Variants in SDK2 observed in about 807,000 individuals in gnomAD.
SDK2 encodes the protein sidekick cell adhesion molecule 2, also known as protein sidekick-2.
In SDK2, 105 loss-of-function variants were observed where a neutral mutation model predicts 253.9. The observed-to-expected ratio is 0.41, with a 90% CI of 0.35 to 0.49. The LOEUF (loss-of-function observed/expected upper bound fraction) is 0.49. SDK2 is among the 20% of genes least tolerant of loss of function. The pLI, the probability that SDK2 is intolerant of heterozygous loss-of-function variation, is 0.06. For synonymous variants in SDK2, 1,249 were observed against 1,234.9 expected (o/e 1.01, Z -0.24); for missense variants, 2,608 against 3,003.0 (o/e 0.87, Z 3.07).
chr17:73,342,925 A>C (rs1033671142), intron 44 of SDK2, among the ~76,000 whole-genome samples: 9 of 152,296 alleles, frequency 5.9e-5, no homozygotes, highest in Non-Finnish European at 7.4e-5. Context: ...AAGGGAAGAG[A>C]TGGAGTGAGA....
intron 36 of SDK2, among the ~76,000 whole-genome samples, chr17:73,375,522 C>T (rs1300455337): frequency 6.6e-6 from 1 of 152,112 alleles, no homozygotes. Flanking sequence ...GCCAGGATTA[C>T]AGTTGTGAGC....
In SDK2 at chr17:73,338,266, C is replaced by CCT. The variant is rs745468632; in HGVS notation, c.*319_*320dup. On this transcript the variant is annotated 3_prime_UTR_variant, in exon 45 of 45. Transcript: ENST00000392650. The surrounding 1 kb of genome is among the most constrained non-coding windows in gnomAD (Gnocchi z 5.0). ...GGCCTCCAGTCCTTAGCCTCCGCTC[C>CCT]CTCTCTCTCTCCAGATGCCCGCCCC... 11 of 495,674 alleles carry CCT rather than the reference C, an allele frequency of 2.2e-5. 1 individual carries two copies. The highest frequency in any genetic ancestry group is 1.1e-4 in the South Asian group (7 of 61,508). 30.7% of individuals were successfully genotyped at this position (495,674 alleles called of 1,614,324 possible).
intron 8 of SDK2, among the ~76,000 whole-genome samples, chr17:73,437,200 C>A (rs1248773552): frequency 6.6e-6 from 1 of 152,138 alleles, no homozygotes; most frequent in Admixed American, 6.5e-5. Context: ...CTTTATCATC[C>A]CGGATTTCAC....
At chr17:73,411,474 C>T (rs575314580) in intron 18 of SDK2, among the ~76,000 whole-genome samples, 56 of 152,176 alleles carry the variant, frequency 3.7e-4, no homozygotes, top group African/African-American at 1.3e-3. Flanking sequence ...CAGTGCTCTC[C>T]GCTTCACAGC....
chr17:73,606,862 G>A (rs989839095), intron 1 of SDK2, among the ~76,000 whole-genome samples: 6 of 152,092 alleles, frequency 3.9e-5, no homozygotes, highest in Admixed American at 2.0e-4. Context: ...CAGATCAGGC[G>A]GAGGGAAAGC....
intron 1 of SDK2, among the ~76,000 whole-genome samples, chr17:73,583,704 G>GT (rs2045567073): frequency 6.6e-6 from 1 of 151,154 alleles, no homozygotes; most frequent in Admixed American, 6.6e-5. Context: ...GGCCAAGAGT[G>GT]CTTCAGGCTC....
At chr17:73,524,986 C>T (rs1312024838) in intron 1 of SDK2, among the ~76,000 whole-genome samples, 1 of 152,256 alleles carries the variant, frequency 6.6e-6, no homozygotes, top group Non-Finnish European at 1.5e-5. Flanking sequence ...ACATGCATCC[C>T]ATGGGTGAGG....
At chr17:73,579,841 G>C (rs1234072027) in intron 1 of SDK2, among the ~76,000 whole-genome samples, 1 of 152,114 alleles carries the variant, frequency 6.6e-6, no homozygotes, top group Non-Finnish European at 1.5e-5. Context: ...GCTGGGGGTT[G>C]GTGAAGGGCA....
Position 73,456,068 on chromosome 17 carries a change from AC to A in SDK2, c.332-16del. 1 of 1,474,366 alleles carries A rather than the reference AC, an allele frequency of 6.8e-7. No homozygotes were observed. The highest frequency in any genetic ancestry group is 1.8e-4 in the Middle Eastern group (1 of 5,670). 91.3% of individuals were successfully genotyped at this position (1,474,366 alleles called of 1,614,324 possible). A position where few individuals can be genotyped will look rare whatever the true frequency, so the allele number is the denominator to read the frequency against. On this transcript the variant is annotated splice_polypyrimidine_tract_variant and intron_variant, in intron 3 of 44. Coordinates refer to ENST00000392650, the MANE Select transcript of SDK2 (RefSeq NM_001144952.2). ...GCTCCCCATGTCTGCAGCCGGGACA[AC>A]GGCAGTAGGATCAGGGGCGGGAGGT...
rs942534677 is a variant in SDK2 at position 73,383,415 on chromosome 17, G to T, written c.4705+461C>A. Among the ~76,000 whole-genome samples, 3 of 152,198 alleles carry T rather than the reference G, an allele frequency of 2.0e-5. No individual in the cohort carries two copies. Among genetic ancestry groups the T allele is most frequent in the African/African-American group, 7.2e-5 (3 of 41,448 alleles). On this transcript the variant is annotated intron_variant, in intron 33 of 44. Coordinates refer to ENST00000392650, the MANE Select transcript of SDK2 (RefSeq NM_001144952.2). The surrounding 1 kb of genome is among the most constrained non-coding windows in gnomAD (Gnocchi z 4.3). Reference sequence around the variant, plus strand: ...AGGGGGCCAGGACTACTGCTCTAGGGGTGTGACCAGGTGAGGCTTCTGGTC... The same window carrying T: ...AGGGGGCCAGGACTACTGCTCTAGGTGTGTGACCAGGTGAGGCTTCTGGTC...
intron 3 of SDK2, among the ~76,000 whole-genome samples, chr17:73,466,441 C>T (rs1050303219): frequency 2.6e-5 from 4 of 152,252 alleles, no homozygotes; most frequent in South Asian, 2.1e-4. Flanking sequence ...TGCCTAAGGT[C>T]ACTTGTGGGA....
chr17:73,560,799 T>C (rs2045221261), intron 1 of SDK2, among the ~76,000 whole-genome samples: 1 of 152,092 alleles, frequency 6.6e-6, no homozygotes, highest in South Asian at 2.1e-4. Flanking sequence ...ACTGTGAGGG[T>C]TGGTCAGATC....
At chr17:73,583,877 A>G (rs1399967955) in intron 1 of SDK2, among the ~76,000 whole-genome samples, 1 of 152,130 alleles carries the variant, frequency 6.6e-6, no homozygotes, top group African/African-American at 2.4e-5. Flanking sequence ...GGTGGTAGTG[A>G]CTTCTGAGCC....
At chr17:73,543,520 C>T (rs930623328) in intron 1 of SDK2, among the ~76,000 whole-genome samples, 1 of 152,258 alleles carries the variant, frequency 6.6e-6, no homozygotes, top group Non-Finnish European at 1.5e-5. Context: ...GAGAACCACT[C>T]TTCAGAGGAA....
chr17:73,380,108 G>A (rs1223751629), intron 34 of SDK2, among the ~76,000 whole-genome samples: 1 of 152,154 alleles, frequency 6.6e-6, no homozygotes. Flanking sequence ...AGAAACGGGC[G>A]CAGTCACTGT....
chr17:73,451,840 T>A (rs1004550601), intron 4 of SDK2, among the ~76,000 whole-genome samples: 5 of 152,118 alleles, frequency 3.3e-5, no homozygotes, highest in African/African-American at 1.2e-4. Context: ...TCAGGAGGGC[T>A]TCCAACCTGC....
chr17:73,487,555 C>A (rs2063777353), intron 2 of SDK2, among the ~76,000 whole-genome samples: 1 of 152,210 alleles, frequency 6.6e-6, no homozygotes, highest in Non-Finnish European at 1.5e-5. Context: ...GGTGTGGGGA[C>A]CAGCCACAGG....
At position 73,383,105 on chromosome 17, in the gene SDK2, C is replaced by T. The variant is rs937718330; in HGVS notation, c.4705+771G>A. 1.3e-5 allele frequency among the ~76,000 whole-genome samples: 2 copies of T among 152,184 alleles called. No individual in the cohort carries two copies. The highest frequency in any genetic ancestry group is 2.4e-5 in the African/African-American group (1 of 41,430). ...CACATATCATCTCCCATACTGGCCT[C>T]GGTCCACCCCGAGTCTGTGCCTCGG... On this transcript the variant is annotated intron_variant, in intron 33 of 44. Coordinates refer to ENST00000392650, the MANE Select transcript of SDK2 (RefSeq NM_001144952.2). This position sits in a 1 kb window ranked among gnomAD's most constrained non-coding sequence, Gnocchi z 4.3.
At chr17:73,486,763 G>A (rs1027889425) in intron 2 of SDK2, among the ~76,000 whole-genome samples, 1 of 152,102 alleles carries the variant, frequency 6.6e-6, no homozygotes, top group Non-Finnish European at 1.5e-5. Context: ...GAAGCAGGGT[G>A]ACAGGAAGTG....
Sources: gnomAD v4.1 joint callset for allele counts (sites outside exome capture counted in the v4.1 genomes callset) on GRCh38, gnomAD v4.1.1 for gene constraint, Gnocchi (gnomAD v3.1) non-coding constraint, MANE v1.5 for transcripts, NCBI Gene and HGNC (gene_info 2026-07-23, HGNC 2026-07-21) for gene names.